MME: variants seen among roughly 807,000 people sequenced by gnomAD.
MME encodes membrane metalloendopeptidase.
Under a neutral mutation model 113.2 loss-of-function variants are expected in MME, and 98 were observed. The ratio of observed to expected loss-of-function variants is 0.87; its 90% CI spans 0.74 to 1.02. The LOEUF (loss-of-function observed/expected upper bound fraction) is 1.02. Among genes scored for constraint, MME ranks in the 50% least tolerant of loss-of-function variants. The pLI is 0.00. For synonymous variants in MME, 292 were observed against 300.6 expected, an observed-to-expected ratio of 0.97 and a Z score of 0.30; for missense variants, 836 against 896.0, an observed-to-expected ratio of 0.93 and a Z score of 0.86.
At chr3:155,031,330 G>A (rs192474138) in intron 1 of MME, among the ~76,000 whole-genome samples, 13 of 152,014 alleles carry the variant, frequency 8.6e-5, no homozygotes, top group Admixed American at 7.2e-4. Flanking sequence ...GTTCCCTCTG[G>A]TCCAAATTTA....
chr3:155,173,772 T>G (rs532016087), intron 22 of MME, among the ~76,000 whole-genome samples: 2 of 152,206 alleles, frequency 1.3e-5, no homozygotes, highest in South Asian at 4.1e-4. Context: ...TTGTGGTTTA[T>G]TCAAAAAACT....
chr3:155,026,449 C>G lies in MME; in HGVS notation c.-11+2125C>G, dbSNP rs116768883. 3.0e-3 allele frequency among the ~76,000 whole-genome samples: 454 copies of G among 152,214 alleles called. 1 individual carries two copies. The highest frequency in any genetic ancestry group is 0.01 in the African/African-American group (434 of 41,518). The stretch of plus-strand genomic sequence containing the variant: ...GTAAGAAAAATAAGCCTTGGCTGAG[C>G]GCAGTGGCTCACACCTGTAATCCCA... On this transcript the variant is annotated intron_variant, in intron 1 of 22. Transcript: ENST00000492661.
chr3:155,092,257 C>T (rs550369568), intron 3 of MME, among the ~76,000 whole-genome samples: 8 of 152,312 alleles, frequency 5.3e-5, no homozygotes, highest in African/African-American at 1.4e-4. Context: ...TATCAGCTAT[C>T]TGGATATCTC....
chr3:155,106,091 A>C (rs1046597424), intron 3 of MME, among the ~76,000 whole-genome samples: 3 of 152,218 alleles, frequency 2.0e-5, no homozygotes, highest in African/African-American at 4.8e-5. Flanking sequence ...CCAAACTAGA[A>C]CAGCAAAAAT....
intron 18 of MME, among the ~76,000 whole-genome samples, chr3:155,167,987 T>A (rs1347858868): frequency 2.0e-5 from 3 of 152,202 alleles, no homozygotes; most frequent in East Asian, 3.9e-4. Flanking sequence ...CAATTGGAGC[T>A]CAAAAGGGAG....
At chr3:155,169,508 A>G (rs1711672511) in intron 20 of MME, among the ~76,000 whole-genome samples, 1 of 152,190 alleles carries the variant, frequency 6.6e-6, no homozygotes, top group African/African-American at 2.4e-5. Context: ...AGCAAGGGTT[A>G]AAAAATAGTC....
chr3:155,151,036 C>T (rs1367952574), intron 16 of MME, among the ~76,000 whole-genome samples: 1 of 152,030 alleles, frequency 6.6e-6, no homozygotes, highest in Admixed American at 6.6e-5. Context: ...AATCGCGCCA[C>T]TGCAGTCCAG....
intron 8 of MME, among the ~76,000 whole-genome samples, chr3:155,127,967 C>T (rs1415894493): frequency 6.6e-6 from 1 of 152,174 alleles, no homozygotes; most frequent in African/African-American, 2.4e-5. Flanking sequence ...TGCTCTTCAA[C>T]GATCTGAATC....
upstream of MME, among the ~76,000 whole-genome samples, chr3:155,077,459 T>A (rs1179968596): frequency 6.6e-6 from 1 of 152,176 alleles, no homozygotes; most frequent in Non-Finnish European, 1.5e-5. Context: ...AGTTGGGGAC[T>A]CTTTAAGATC....
intron 22 of MME, among the ~76,000 whole-genome samples, chr3:155,176,510 A>T (rs1712533281): frequency 1.3e-5 from 2 of 152,178 alleles, no homozygotes; most frequent in Admixed American, 6.6e-5. Context: ...TGTTTTATTA[A>T]TAATGGATTC....
chr3:155,169,487 T>C (rs1576670187), intron 20 of MME, among the ~76,000 whole-genome samples: 3 of 152,190 alleles, frequency 2.0e-5, no homozygotes, highest in African/African-American at 7.2e-5. Flanking sequence ...AGGTCATTAT[T>C]TGAGGATCTG....
chr3:155,142,823 G>A (rs1010683991), intron 12 of MME, among the ~76,000 whole-genome samples: 2 of 152,032 alleles, frequency 1.3e-5, no homozygotes, highest in Non-Finnish European at 2.9e-5. Context: ...CTATGGTGAG[G>A]GGAGTAGGCA....
chr3:155,087,303 A>G (rs1376020491), intron 3 of MME, among the ~76,000 whole-genome samples: 1 of 150,360 alleles, frequency 6.7e-6, no homozygotes, highest in African/African-American at 2.5e-5. Context: ...CTGGGTCACA[A>G]GAGCAATGAC....
intron 1 of MME, among the ~76,000 whole-genome samples, chr3:155,035,415 C>T (rs564138798): frequency 6.6e-6 from 1 of 151,748 alleles, no homozygotes; most frequent in African/African-American, 2.4e-5. Context: ...AAATTTCCCA[C>T]CCTATTATCA....
At chr3:155,105,828 T>C (rs1210766936) in intron 3 of MME, among the ~76,000 whole-genome samples, 1 of 152,218 alleles carries the variant, frequency 6.6e-6, no homozygotes, top group East Asian at 1.9e-4. Context: ...ATATGTCAAG[T>C]GTTGGCTTCT....
chr3:155,136,649 T>C (rs1321447101), intron 8 of MME, among the ~76,000 whole-genome samples: 2 of 152,214 alleles, frequency 1.3e-5, no homozygotes, highest in Non-Finnish European at 2.9e-5. Flanking sequence ...TTTCTTAAGT[T>C]CTTGCTTGAT....
chr3:155,122,002 T>C (rs1719187222), intron 8 of MME, among the ~76,000 whole-genome samples: 1 of 119,884 alleles, frequency 8.3e-6, no homozygotes, highest in South Asian at 3.4e-4. Flanking sequence ...GTACCAGTTC[T>C]TCCTTGTACC....
At chr3:155,028,165 A>T (rs1385597414) in intron 1 of MME, among the ~76,000 whole-genome samples, 1 of 152,178 alleles carries the variant, frequency 6.6e-6, no homozygotes, top group South Asian at 2.1e-4. Context: ...AACAGACAAC[A>T]TTTCTACTCT....
intron 22 of MME, among the ~76,000 whole-genome samples, chr3:155,174,337 TG>T (rs1712295374): frequency 8.1e-6 from 1 of 123,530 alleles, no homozygotes; most frequent in African/African-American, 3.1e-5. Context: ...TGTGTGTGTG[TG>T]TGTGTGTGTG....
Sources: gnomAD v4.1 joint callset for allele counts (sites outside exome capture counted in the v4.1 genomes callset) on GRCh38, gnomAD v4.1.1 for gene constraint, MANE v1.5 for transcripts, NCBI Gene and HGNC (gene_info 2026-07-23, HGNC 2026-07-21) for gene names.